The following PGD variants were observed in gnomAD, a reference collection of about 807,000 sequenced individuals.
PGD encodes 6-phosphogluconate dehydrogenase, decarboxylating.
PGD carries 21 observed loss-of-function variants against 60.4 expected under a neutral mutation model. That is an observed-to-expected ratio of 0.35 (90% CI 0.25 to 0.50). The LOEUF (loss-of-function observed/expected upper bound fraction) is 0.50, where lower values mean the gene tolerates loss of function less well. Among genes scored for constraint, PGD ranks in the 20% least tolerant of loss-of-function variants. PGD has a pLI of 0.98. For missense variants in PGD, 477 were observed against 613.1 expected (o/e 0.78, Z 2.34); for synonymous variants, 230 against 235.9 (o/e 0.97, Z 0.23).
intron 6 of PGD, 101 bp from the exon 7 acceptor site, chr1:10,411,317 G>T: frequency 7.7e-7 from 1 of 1,303,066 alleles, no homozygotes; most frequent in Non-Finnish European, 1.1e-6. Context: ...TTTGTGTGGA[G>T]AGGTAGCCTT....
chr1:10,412,280 G>C (rs566417608), intron 7 of PGD, among the ~76,000 whole-genome samples: 1 of 152,334 alleles, frequency 6.6e-6, no homozygotes, highest in South Asian at 2.1e-4. Context: ...GTTAAGTATG[G>C]TTTGCTGATG....
chr1:10,409,774 G>A (rs1191492434), intron 6 of PGD, among the ~76,000 whole-genome samples: 1 of 147,210 alleles, frequency 6.8e-6, no homozygotes, highest in Non-Finnish European at 1.5e-5. Flanking sequence ...TCATGCCTCA[G>A]CCTCCATTGT....
rs1355967319 is a variant in PGD, at chr1:10,417,125, A to G, written c.975+8A>G. 6.2e-7 allele frequency: 1 copy of G among 1,613,816 alleles called. No homozygotes were observed. Among genetic ancestry groups the G allele is most frequent in the Admixed American group, 1.7e-5 (1 of 60,008 alleles). On this transcript the variant is annotated splice_region_variant and intron_variant, in intron 9 of 12. Coordinates refer to ENST00000270776, the MANE Select transcript of PGD (RefSeq NM_002631.4). The stretch of plus-strand genomic sequence containing the variant: ...CTGGAGGACATTCGGAAGGTGGGAC[A>G]CAGTCCCTGGCAGTGGTCTTTGTTG...
chr1:10,409,649 CTTT>C (rs543426528), intron 6 of PGD, among the ~76,000 whole-genome samples: 190 of 75,400 alleles, frequency 2.5e-3, no homozygotes, highest in Non-Finnish European at 3.7e-3. Context: ...GTGGTAGCAA[CTTT>C]TTTTTTTTTT....
intron 10 of PGD, 90 bp downstream of exon 10, chr1:10,417,599 C>T: frequency 3.0e-6 from 4 of 1,328,164 alleles, no homozygotes; most frequent in Non-Finnish European, 3.1e-6. Flanking sequence ...GAGCAGTTTC[C>T]AGGGATGGGC....
rs754389174 is a variant in PGD, at chr1:10,400,357, T to G, written c.85-36T>G. 6.0e-6 allele frequency: 9 copies of G among 1,500,016 alleles called. 1 individual carries two copies. Among genetic ancestry groups the G allele is most frequent in the Admixed American group, 1.7e-5 (1 of 57,230 alleles). The allele number at this position is 1,500,016 out of a possible 1,614,324, so 92.9% of individuals were successfully genotyped here. Reference sequence around the variant, plus strand: ...GGCCACAGTCTGAAAGTCTTGTGTGTCCTGGATCTCCTACTCAGGACTTTT... The same window carrying G: ...GGCCACAGTCTGAAAGTCTTGTGTGGCCTGGATCTCCTACTCAGGACTTTT... On this transcript the variant is annotated intron_variant, in intron 2 of 12. Coordinates refer to ENST00000270776, the MANE Select transcript of PGD (RefSeq NM_002631.4).
intron 4 of PGD, 65 bp from the exon 5 acceptor site, chr1:10,404,096 C>A: frequency 3.6e-6 from 4 of 1,106,032 alleles, no homozygotes; most frequent in South Asian, 1.4e-5. Flanking sequence ...TTTTGGGTAG[C>A]ATAATGAAAC....
Position 10,402,813 on chromosome 1 carries a change from G to A in PGD, c.265-258G>A, listed in dbSNP as rs146316408. Reference sequence around the variant, plus strand: ...GCTGGGATAACAGGCGTGAGCCACCGCGCCTGGCCTACAAAAAAAATTTTA... The same window carrying A: ...GCTGGGATAACAGGCGTGAGCCACCACGCCTGGCCTACAAAAAAAATTTTA... On this transcript the variant is annotated intron_variant, in intron 3 of 12. Coordinates refer to ENST00000270776, the MANE Select transcript of PGD (RefSeq NM_002631.4). 2.9e-3 allele frequency among the ~76,000 whole-genome samples: 446 copies of A among 152,004 alleles called. 2 individuals are homozygous for A. The highest frequency in any genetic ancestry group is 0.01 in the African/African-American group (425 of 41,482).
chr1:10,416,237 G>C (rs977005996), intron 8 of PGD, among the ~76,000 whole-genome samples: 15 of 152,114 alleles, frequency 9.9e-5, no homozygotes, highest in African/African-American at 3.4e-4. Flanking sequence ...GGGATTACAG[G>C]TGTTAGCCAC....
Position 10,399,696 on chromosome 1 carries a change from G to T in PGD, c.76G>T (p.Gly26Cys). 1 of 1,614,024 alleles carries T rather than the reference G, an allele frequency of 6.2e-7. No homozygotes were observed. Among genetic ancestry groups the T allele is most frequent in the Non-Finnish European group, 8.5e-7 (1 of 1,179,910 alleles). The change falls in exon 2 of 13, where the codon GGC becomes TGC. Residue 26 changes from glycine to cysteine, a missense_variant. Gly to Cys is a radical substitution (Grantham distance 159). Coordinates refer to ENST00000270776, the MANE Select transcript of PGD (RefSeq NM_002631.4). Reference sequence around the variant, plus strand: ...CTTAATTCTGAACATGAATGACCACGGCTTTGTGGTAAGCGGCGTGGGCGC... The same window carrying T: ...CTTAATTCTGAACATGAATGACCACTGCTTTGTGGTAAGCGGCGTGGGCGC... ...QNLILNMNDHGFVVCAFNRTV... is the reference protein window; with the variant it reads ...QNLILNMNDHCFVVCAFNRTV...
chr1:10,401,398 C>T (rs995257372), intron 3 of PGD, among the ~76,000 whole-genome samples: 2 of 152,172 alleles, frequency 1.3e-5, no homozygotes, highest in Non-Finnish European at 2.9e-5. Context: ...CAGGCACTCC[C>T]ATTTAGAAGA....
At chr1:10,412,946 C>T (rs924189448) in intron 7 of PGD, 116 bp from the exon 8 acceptor site, 28 of 801,438 alleles carry the variant, frequency 3.5e-5, no homozygotes, top group Admixed American at 2.3e-4. Context: ...CCCAGGCAGA[C>T]GCGAGCAGAG....
At chr1:10,403,988 C>G (rs1193019085) in intron 4 of PGD, among the ~76,000 whole-genome samples, 173 bp from the exon 5 acceptor site, 1 of 152,170 alleles carries the variant, frequency 6.6e-6, no homozygotes, top group African/African-American at 2.4e-5. Flanking sequence ...GATTAACTTT[C>G]CTGAGTCATC....
In PGD at chr1:10,419,462, C is replaced by G; in HGVS notation, c.1255C>G (p.Pro419Ala). Residue 419 changes from proline (P) to alanine (A), a missense_variant, in exon 12 of 13, where the codon CCC (proline) becomes GCC (alanine). Pro to Ala is a conservative substitution (Grantham distance 27, BLOSUM62 -1). This residue lies in a region of PGD where 431 missense variants were observed against 556.6 expected (regional missense o/e 0.77). Transcript: ENST00000270776. ...AVSTGVQAGIPMPCFTTALSF... is the reference protein window; with the variant it reads ...AVSTGVQAGIAMPCFTTALSF... ...CAGCACTGGGGTCCAGGCTGGCATT[C>G]CCATGCCCTGTTTTACCACTGCCCT... 2 of 1,614,102 alleles carry G rather than the reference C, an allele frequency of 1.2e-6. No homozygotes were observed. The highest frequency in any genetic ancestry group is 1.7e-6 in the Non-Finnish European group (2 of 1,179,982).
chr1:10,403,071 G>C lies in PGD; in HGVS notation c.265G>C (p.Val89Leu). 6.2e-7 allele frequency: 1 copy of C among 1,602,236 alleles called. No individual in the cohort carries two copies. The highest frequency in any genetic ancestry group is 8.6e-7 in the Non-Finnish European group (1 of 1,169,336). Residue 89 changes from valine (V) to leucine (L), a missense_variant and splice_region_variant, in exon 4 of 13, where the codon GTA becomes CTA. Physicochemically the swap from Val to Leu is conservative, Grantham distance 32. Coordinates refer to ENST00000270776, the MANE Select transcript of PGD (RefSeq NM_002631.4). The stretch of plus-strand genomic sequence containing the variant: ...TCTTAATGCTGGTGTCTGGTTACAG[G>C]TACCATTGTTGGATACTGGTGACAT... The part of the protein sequence containing the change: ...QAVDDFIEKL[V>L]PLLDTGDIII...
At position 10,420,355 on chromosome 1, in the gene PGD, A is replaced by C. The variant is rs976174839; in HGVS notation, c.*606A>C. On this transcript the variant is annotated 3_prime_UTR_variant, in exon 13 of 13. Transcript: ENST00000270776. ...CTTTCTCCAATTGGGCAATGGGTACATGGACGTTCACTGTAACGTGCTTTT... is the reference window on the plus strand; with the variant it reads ...CTTTCTCCAATTGGGCAATGGGTACCTGGACGTTCACTGTAACGTGCTTTT... Among the ~76,000 whole-genome samples the C allele has an allele frequency of 4.1e-5, 6 of 147,072 alleles. No individual in the cohort carries two copies. Among genetic ancestry groups the C allele is most frequent in the South Asian group, 2.1e-4 (1 of 4,714 alleles).
intron 6 of PGD, among the ~76,000 whole-genome samples, chr1:10,409,716 C>A (rs1164906606): frequency 1.6e-5 from 2 of 126,812 alleles, no homozygotes; most frequent in Non-Finnish European, 3.1e-5. Flanking sequence ...AGTGCAGTGG[C>A]ATAATCTCAG....
intron 4 of PGD, among the ~76,000 whole-genome samples, chr1:10,403,937 C>T (rs1340553516): frequency 6.6e-6 from 1 of 152,096 alleles, no homozygotes; most frequent in Non-Finnish European, 1.5e-5. Flanking sequence ...CGTGAATGTC[C>T]ATAGTTGTAT....
In PGD at chr1:10,403,057, G is replaced by A. The variant is rs1281572873; in HGVS notation, c.265-14G>A. The A allele has an allele frequency of 1.3e-6, 2 of 1,583,096 alleles. No homozygotes were observed. Among genetic ancestry groups the A allele is most frequent in the East Asian group, 4.5e-5 (2 of 44,704 alleles). ...TCATTTTTGGTCCATCTTAATGCTG[G>A]TGTCTGGTTACAGGTACCATTGTTG... On this transcript the variant is annotated splice_polypyrimidine_tract_variant and intron_variant, in intron 3 of 12. Transcript: ENST00000270776.
Sources: gnomAD v4.1 joint callset for allele counts (sites outside exome capture counted in the v4.1 genomes callset) on GRCh38, gnomAD v4.1.1 for gene constraint, gnomAD v4.1.1 regional missense constraint, MANE v1.5 for transcripts, NCBI Gene and HGNC (gene_info 2026-07-23, HGNC 2026-07-21) for gene names.